Variants in MIPOL1 observed in about 807,000 individuals in gnomAD.
MIPOL1 encodes the protein mirror-image polydactyly 1, also known as mirror-image polydactyly gene 1 protein.
MIPOL1 carries 57 observed loss-of-function variants against 60.9 expected under a neutral mutation model. That is an observed-to-expected ratio of 0.94 (90% CI 0.76 to 1.17). The LOEUF (loss-of-function observed/expected upper bound fraction) is 1.17. Ranked by LOEUF, MIPOL1 falls within the 50% of genes most tolerant of loss-of-function variation. The pLI is 0.00. For missense variants in MIPOL1, 551 were observed against 511.6 expected (o/e 1.08, Z -0.74); for synonymous variants, 179 against 168.8 (o/e 1.06, Z -0.47).
chr14:37,226,155 G>C (rs1337866257), intron 1 of MIPOL1, among the ~76,000 whole-genome samples: 1 of 152,124 alleles, frequency 6.6e-6, no homozygotes, highest in Non-Finnish European at 1.5e-5. Context: ...ACATTTTCCT[G>C]TCTTCTTCTG....
At chr14:37,346,647 A>C (rs2090966382) in intron 9 of MIPOL1, among the ~76,000 whole-genome samples, 1 of 152,158 alleles carries the variant, frequency 6.6e-6, no homozygotes, top group South Asian at 2.1e-4. Flanking sequence ...CTGAAGAGCT[A>C]TAGACATACT....
At chr14:37,282,747 CAAAA>C (rs59301708) in intron 6 of MIPOL1, among the ~76,000 whole-genome samples, 1 of 67,898 alleles carries the variant, frequency 1.5e-5, no homozygotes, top group African/African-American at 6.2e-5. Context: ...GACCCTGTCT[CAAAA>C]AAAAAAAAAA....
chr14:37,433,475 G>A (rs1295611281), intron 11 of MIPOL1, among the ~76,000 whole-genome samples: 1 of 152,052 alleles, frequency 6.6e-6, no homozygotes, highest in South Asian at 2.1e-4. Flanking sequence ...GCAGTGTTTG[G>A]TTTTCTGTTC....
chr14:37,403,362 A>G (rs2093524901), intron 10 of MIPOL1, among the ~76,000 whole-genome samples: 1 of 146,698 alleles, frequency 6.8e-6, no homozygotes. Context: ...TTGTTTTATA[A>G]TTATGTAAAT....
intron 11 of MIPOL1, among the ~76,000 whole-genome samples, chr14:37,451,875 C>T (rs1299401253): frequency 6.6e-5 from 9 of 136,564 alleles, no homozygotes; most frequent in Admixed American, 6.0e-4. Context: ...AGTGCAGTGG[C>T]GCAATCTCGG....
chr14:37,451,808 CTTTTTTTTT>C (rs535978128), intron 11 of MIPOL1, among the ~76,000 whole-genome samples: 54 of 84,572 alleles, frequency 6.4e-4, no homozygotes, highest in African/African-American at 7.6e-4. Flanking sequence ...TTTATTCTCT[CTTTTTTTTT>C]TTTTTTTTTT....
chr14:37,440,113 C>G (rs1255591167), intron 11 of MIPOL1, among the ~76,000 whole-genome samples: 1 of 152,080 alleles, frequency 6.6e-6, no homozygotes, highest in South Asian at 2.1e-4. Flanking sequence ...TCCCAAAGTG[C>G]TAGGATTACA....
chr14:37,225,873 G>A (rs1969630957), intron 1 of MIPOL1, among the ~76,000 whole-genome samples: 2 of 152,090 alleles, frequency 1.3e-5, no homozygotes, highest in Admixed American at 1.3e-4. Flanking sequence ...CAGCACCCAA[G>A]TCACCTCTCG....
In MIPOL1 at chr14:37,203,100, T is replaced by A. The variant is rs909214219; in HGVS notation, c.-199+4996T>A. On this transcript the variant is annotated intron_variant, in intron 1 of 12. Transcript: ENST00000684589. ...GATAATGCACAAGATTAATCAATTG[T>A]AGCTGCTTTTGTCAGCATTGTATTA... Among the ~76,000 whole-genome samples the A allele has an allele frequency of 2.0e-5, 3 of 152,204 alleles. No homozygotes were observed. The South Asian group carries it at 6.2e-4, about 31-fold the overall frequency.
intron 12 of MIPOL1, among the ~76,000 whole-genome samples, chr14:37,500,633 A>G (rs1474997559): frequency 6.6e-6 from 1 of 152,156 alleles, no homozygotes; most frequent in East Asian, 1.9e-4. Context: ...GCATAATTAT[A>G]TATGTTTATT....
chr14:37,436,738 A>C (rs2094169246), intron 11 of MIPOL1, among the ~76,000 whole-genome samples: 2 of 152,212 alleles, frequency 1.3e-5, no homozygotes, highest in East Asian at 1.9e-4. Context: ...TCCGGGACTT[A>C]ACATTGTTAT....
chr14:37,395,020 G>C (rs1378980686), intron 10 of MIPOL1, among the ~76,000 whole-genome samples: 1 of 152,008 alleles, frequency 6.6e-6, no homozygotes, highest in East Asian at 1.9e-4. Context: ...GTTGAAAAGG[G>C]TGTCCTTTCC....
chr14:37,252,945 A>G (rs1224888013), intron 3 of MIPOL1, among the ~76,000 whole-genome samples: 2 of 151,804 alleles, frequency 1.3e-5, no homozygotes, highest in Non-Finnish European at 3.0e-5. Context: ...ATTCATTGCT[A>G]CCAGCAAGAT....
Position 37,366,628 on chromosome 14 carries a change from G to T in MIPOL1, c.829-2889G>T, listed in dbSNP as rs141547155. On this transcript the variant is annotated intron_variant, in intron 9 of 12. Coordinates refer to ENST00000684589, the MANE Select transcript of MIPOL1 (RefSeq NM_001388067.1). The stretch of plus-strand genomic sequence containing the variant: ...GGAAAAGAATGTGCATTCTGCGGCC[G>T]TTGGACGAAATGTTCCGTAACTGTC... Among the ~76,000 whole-genome samples, 466 of 152,066 alleles carry T rather than the reference G, an allele frequency of 3.1e-3. 3 individuals are homozygous for T. Among genetic ancestry groups the T allele is most frequent in the African/African-American group, 9.6e-3 (397 of 41,524 alleles).
chr14:37,376,825 G>A (rs1157913511), intron 10 of MIPOL1, among the ~76,000 whole-genome samples: 2 of 152,082 alleles, frequency 1.3e-5, no homozygotes, highest in South Asian at 2.1e-4. Context: ...TGGATCATAC[G>A]TAAAAATATG....
rs1391422142 is a variant in MIPOL1, at chr14:37,271,579, T to G, written c.493+1054T>G. Among the ~76,000 whole-genome samples, 4 of 151,906 alleles carry G rather than the reference T, an allele frequency of 2.6e-5. No individual in the cohort carries two copies. In the East Asian group the frequency reaches 7.7e-4, roughly 29 times the overall value. On this transcript the variant is annotated intron_variant, in intron 6 of 12. Coordinates refer to ENST00000684589, the MANE Select transcript of MIPOL1 (RefSeq NM_001388067.1). ...TACTAGATAGTTGCTTTTCTGTTAA[T>G]GTTAAACTACCGTAATGTTTTTATT...
intron 1 of MIPOL1, chr14:37,198,363 T>A (rs1964676886): frequency 6.6e-6 from 1 of 152,212 alleles, no homozygotes; most frequent in East Asian, 1.9e-4. Flanking sequence ...ATACTGGACC[T>A]GAGCAGCTGA....
At chr14:37,523,074 C>G (rs2095424663) in intron 12 of MIPOL1, among the ~76,000 whole-genome samples, 1 of 152,054 alleles carries the variant, frequency 6.6e-6, no homozygotes, top group African/African-American at 2.4e-5. Context: ...AAGTAAATGT[C>G]TTTAGAAAGG....
intron 12 of MIPOL1, among the ~76,000 whole-genome samples, chr14:37,541,523 A>G (rs1220194925): frequency 6.6e-6 from 1 of 152,230 alleles, no homozygotes; most frequent in Non-Finnish European, 1.5e-5. Flanking sequence ...ACAAGACTGC[A>G]GTGTCTAGCT....
Sources: allele counts gnomAD v4.1 joint callset (sites outside exome capture counted in the v4.1 genomes callset), GRCh38; gene constraint gnomAD v4.1.1; transcripts MANE v1.5; gene names NCBI Gene and HGNC (gene_info 2026-07-23, HGNC 2026-07-21).